The following FAM13A variants were observed in gnomAD, a reference collection of about 807,000 sequenced individuals.
The protein encoded by FAM13A is family with sequence similarity 13 member A, also known as protein FAM13A.
A neutral mutation model predicts 129.6 loss-of-function variants in FAM13A; 76 were observed. The ratio of observed to expected loss-of-function variants is 0.59; its 90% CI spans 0.49 to 0.71. The LOEUF is 0.71. FAM13A is among the 30% of genes least tolerant of loss of function. The pLI is 0.00. For synonymous variants in FAM13A, 443 were observed against 449.9 expected, an observed-to-expected ratio of 0.98 and a Z score of 0.20; for missense variants, 1,108 against 1,249.3, an observed-to-expected ratio of 0.89 and a Z score of 1.70.
intron 4 of FAM13A, among the ~76,000 whole-genome samples, chr4:88,949,920 C>T (rs1756653747): frequency 6.6e-6 from 1 of 152,164 alleles, no homozygotes; most frequent in Admixed American, 6.5e-5. Flanking sequence ...TGAAAGCTCT[C>T]AAGTACTACA....
At position 88,760,841 on chromosome 4, in the gene FAM13A, C is replaced by T. The variant is rs113366588; in HGVS notation, c.1579-1940G>A. Among the ~76,000 whole-genome samples the T allele has an allele frequency of 2.7e-3, 379 of 141,952 alleles. 2 individuals are homozygous for T. The highest frequency in any genetic ancestry group is 4.0e-3 in the Non-Finnish European group (259 of 65,498). 93.1% of individuals were successfully genotyped at this position (141,952 alleles called of 152,430 possible). A position where few individuals can be genotyped will look rare whatever the true frequency, so the allele number is the denominator to read the frequency against. On this transcript the variant is annotated intron_variant, in intron 13 of 23. Transcript: ENST00000264344. The stretch of plus-strand genomic sequence containing the variant: ...ACCAATCATGAGTGTGCCTGGGTTG[C>T]GGGGGAGGGGTCGTGGGCGGGGGGA...
rs752536994 is a variant in FAM13A at position 89,056,977 on chromosome 4, C to T, written c.-13G>A. 4 of 1,612,482 alleles carry T rather than the reference C, an allele frequency of 2.5e-6. No individual in the cohort carries two copies. The highest frequency in any genetic ancestry group is 2.7e-5 in the African/African-American group (2 of 74,820). ...CTCCTGCCCCCATTCTCTCAGAAAG[C>T]GTCTGGAAGAACTGAGGAAGACCAG... On this transcript the variant is annotated 5_prime_UTR_variant, in exon 1 of 24. Coordinates refer to ENST00000264344, the MANE Select transcript of FAM13A (RefSeq NM_014883.4).
intron 6 of FAM13A, among the ~76,000 whole-genome samples, chr4:88,866,595 T>C (rs539842221): frequency 1.3e-5 from 2 of 152,242 alleles, no homozygotes; most frequent in South Asian, 4.2e-4. Flanking sequence ...TTTTCAAATA[T>C]GCACAGTCCA....
intron 6 of FAM13A, among the ~76,000 whole-genome samples, chr4:88,897,283 C>A (rs1286322028): frequency 6.6e-6 from 1 of 152,162 alleles, no homozygotes; most frequent in African/African-American, 2.4e-5. Flanking sequence ...CAGTATTGGT[C>A]ATGGAATAGC....
intron 1 of FAM13A, among the ~76,000 whole-genome samples, chr4:89,052,127 T>C (rs138755128): frequency 1.8e-4 from 27 of 152,216 alleles, no homozygotes; most frequent in African/African-American, 6.3e-4. Flanking sequence ...TTGCTGCCTG[T>C]ACCCTTTGGA....
chr4:88,998,545 A>T (rs1269063255), intron 3 of FAM13A, among the ~76,000 whole-genome samples: 1 of 152,090 alleles, frequency 6.6e-6, no homozygotes, highest in African/African-American at 2.4e-5. Flanking sequence ...TGTGTAGTGG[A>T]GAGGTGGGAA....
intron 8 of FAM13A, among the ~76,000 whole-genome samples, chr4:88,791,373 G>C (rs1390897057): frequency 6.6e-6 from 1 of 152,020 alleles, no homozygotes; most frequent in Non-Finnish European, 1.5e-5. Context: ...AACACTATCA[G>C]GTTAGCATGC....
intron 4 of FAM13A, among the ~76,000 whole-genome samples, chr4:88,957,039 G>A (rs917159543): frequency 7.9e-5 from 12 of 152,144 alleles, no homozygotes; most frequent in Non-Finnish European, 1.6e-4. Context: ...ATTTAAAAGT[G>A]TGTGGGTCGG....
At chr4:88,900,842 C>T (rs1181839262) in intron 6 of FAM13A, among the ~76,000 whole-genome samples, 2 of 152,096 alleles carry the variant, frequency 1.3e-5, no homozygotes, top group Non-Finnish European at 2.9e-5. Context: ...AATTAAATGA[C>T]ACAGAATGGC....
chr4:89,028,267 T>G (rs1768240637), intron 2 of FAM13A, among the ~76,000 whole-genome samples: 1 of 150,330 alleles, frequency 6.7e-6, no homozygotes, highest in Non-Finnish European at 1.5e-5. Context: ...AATTCTCCAG[T>G]TAGTATTTTT....
chr4:88,743,884 A>G (rs1740753587), intron 19 of FAM13A, among the ~76,000 whole-genome samples: 1 of 152,182 alleles, frequency 6.6e-6, no homozygotes, highest in Non-Finnish European at 1.5e-5. Flanking sequence ...GTAAAACAAG[A>G]AGTAGTTTGA....
intron 7 of FAM13A, among the ~76,000 whole-genome samples, chr4:88,847,305 C>A (rs1164337255): frequency 6.6e-6 from 1 of 152,058 alleles, no homozygotes; most frequent in Non-Finnish European, 1.5e-5. Flanking sequence ...ATTGGTGGAT[C>A]GCTTGAGCTC....
intron 4 of FAM13A, among the ~76,000 whole-genome samples, chr4:88,949,142 A>G (rs1295509578): frequency 5.9e-5 from 9 of 152,188 alleles, no homozygotes; most frequent in Non-Finnish European, 8.8e-5. Flanking sequence ...TTCAATGATG[A>G]CGTTTATGTG....
intron 2 of FAM13A, among the ~76,000 whole-genome samples, chr4:89,029,085 G>C (rs747673244): frequency 6.6e-6 from 1 of 151,940 alleles, no homozygotes; most frequent in African/African-American, 2.4e-5. Flanking sequence ...ATTGACCTCA[G>C]GTAAAAGAGA....
At chr4:88,837,312 A>G (rs1734983067) in intron 7 of FAM13A, among the ~76,000 whole-genome samples, 3 of 152,210 alleles carry the variant, frequency 2.0e-5, no homozygotes, top group South Asian at 4.2e-4. Context: ...TTATTTTTAA[A>G]TAGTGATAAA....
At chr4:88,784,174 G>A (rs1159604851) in intron 10 of FAM13A, among the ~76,000 whole-genome samples, 3 of 152,126 alleles carry the variant, frequency 2.0e-5, no homozygotes. Context: ...GGAAGTCTTT[G>A]CTTTTACGTG....
chr4:88,763,626 TTTC>T (rs1340349109), intron 13 of FAM13A, among the ~76,000 whole-genome samples: 1 of 152,240 alleles, frequency 6.6e-6, no homozygotes, highest in African/African-American at 2.4e-5. Flanking sequence ...GATACTGCTC[TTTC>T]TCTGGCTTCA....
chr4:88,801,426 A>C (rs915023962), intron 8 of FAM13A, among the ~76,000 whole-genome samples: 1 of 152,218 alleles, frequency 6.6e-6, no homozygotes, highest in Admixed American at 6.5e-5. Context: ...CTTAATCCAA[A>C]CATGCTAAAT....
Position 88,909,776 on chromosome 4 carries a change from T to C in FAM13A, c.760-3314A>G, listed in dbSNP as rs141206107. On this transcript the variant is annotated intron_variant, in intron 5 of 23. Coordinates refer to ENST00000264344, the MANE Select transcript of FAM13A (RefSeq NM_014883.4). ...CTGGGATTACAGAAGTGAGCCACCG[T>C]ACCCAGCTGAGGTTTCTTTTTAGGG... Among the ~76,000 whole-genome samples the C allele has an allele frequency of 2.5e-4, 38 of 152,278 alleles. No individual in the cohort carries two copies. In the East Asian group the frequency reaches 6.0e-3, roughly 24 times the overall value.
Sources: allele counts gnomAD v4.1 joint callset (sites outside exome capture counted in the v4.1 genomes callset), GRCh38; gene constraint gnomAD v4.1.1; transcripts MANE v1.5; gene names NCBI Gene and HGNC (gene_info 2026-07-23, HGNC 2026-07-21).